Variants in ROR1 observed in about 807,000 individuals in gnomAD.
ROR1 encodes ROR family WNT receptor 1.
ROR1 carries 19 observed loss-of-function variants against 78.8 expected under a neutral mutation model. The ratio of observed to expected loss-of-function variants is 0.24; its 90% CI spans 0.17 to 0.35. ROR1 has a LOEUF of 0.35. Ranked by LOEUF, ROR1 falls within the 10% of genes least tolerant of loss-of-function variation. The pLI, the probability that ROR1 is intolerant of heterozygous loss-of-function variation, is 1.00. For synonymous variants in ROR1, 386 were observed against 433.6 expected (o/e 0.89, Z 1.36); for missense variants, 917 against 1,177.8 (o/e 0.78, Z 3.24).
intron 4 of ROR1, chr1:64,110,723 T>G (rs1178363359): frequency 6.6e-6 from 1 of 152,120 alleles, no homozygotes; most frequent in Non-Finnish European, 1.5e-5. Flanking sequence ...CCAGGAAGTT[T>G]CAGCATTCTC....
At chr1:64,023,061 T>G (rs981308780) in intron 2 of ROR1, among the ~76,000 whole-genome samples, 7 of 152,200 alleles carry the variant, frequency 4.6e-5, no homozygotes, top group African/African-American at 1.7e-4. Flanking sequence ...TTTCTACTGG[T>G]GACAGGCATT....
At chr1:63,925,790 T>G (rs861309) in intron 1 of ROR1, among the ~76,000 whole-genome samples, 98,241 of 149,514 alleles carry the variant, frequency 0.66, 36,553 homozygotes, top group East Asian at 0.94. Flanking sequence ...TTTCATGTGT[T>G]TTTTGGCTGC....
chr1:63,876,763 G>C (rs1645288988), intron 1 of ROR1, among the ~76,000 whole-genome samples: 1 of 149,836 alleles, frequency 6.7e-6, no homozygotes, highest in Middle Eastern at 3.2e-3. Flanking sequence ...TCGTTTCAAG[G>C]CTATGTTTTA....
chr1:64,139,294 T>G (rs1649227314), intron 5 of ROR1, among the ~76,000 whole-genome samples: 1 of 152,072 alleles, frequency 6.6e-6, no homozygotes, highest in Non-Finnish European at 1.5e-5. Context: ...TTTAAATTCA[T>G]TTACCTTTGT....
chr1:63,951,459 A>AG (rs1038223228), intron 1 of ROR1, among the ~76,000 whole-genome samples: 1 of 152,130 alleles, frequency 6.6e-6, no homozygotes, highest in East Asian at 1.9e-4. Flanking sequence ...AGGGTAAAAG[A>AG]GGGGGGCTGG....
chr1:63,926,028 A>G (rs1481325447), intron 1 of ROR1, among the ~76,000 whole-genome samples: 1 of 151,610 alleles, frequency 6.6e-6, no homozygotes, highest in African/African-American at 2.4e-5. Flanking sequence ...ATTAGATCCC[A>G]TTTGTCAATT....
At chr1:63,789,143 T>A in intron 1 of ROR1, 1 of 600,432 alleles carries the variant, frequency 1.7e-6, no homozygotes, top group South Asian at 1.5e-5. Flanking sequence ...GGACAGTCAT[T>A]GGCTTGCGGA....
At chr1:63,906,709 T>C (rs1447017314) in intron 1 of ROR1, among the ~76,000 whole-genome samples, 1 of 152,214 alleles carries the variant, frequency 6.6e-6, no homozygotes, top group Non-Finnish European at 1.5e-5. Flanking sequence ...CTTGGGGTAA[T>C]TTGATCTTGT....
intron 1 of ROR1, among the ~76,000 whole-genome samples, chr1:63,916,009 G>C (rs1340584596): frequency 6.6e-6 from 1 of 152,034 alleles, no homozygotes; most frequent in Non-Finnish European, 1.5e-5. Flanking sequence ...CACCTCTCTA[G>C]ACACTCTAGA....
chr1:63,825,650 G>C (rs1382843421), intron 1 of ROR1, among the ~76,000 whole-genome samples: 2 of 152,092 alleles, frequency 1.3e-5, no homozygotes, highest in African/African-American at 2.4e-5. Context: ...ACACTAAATG[G>C]GTGAATGTTA....
rs375205765 is a variant in ROR1, at chr1:64,134,623, T to C, written c.483-2746T>C. Among the ~76,000 whole-genome samples, 7 of 152,294 alleles carry C rather than the reference T, an allele frequency of 4.6e-5. No individual in the cohort carries two copies. In the East Asian group the frequency reaches 1.2e-3, roughly 25 times the overall value. The stretch of plus-strand genomic sequence containing the variant: ...GTTGTGGTTCTCAACCACATTCAAA[T>C]CACCTGATAGGTTTCTTTAAGCATA... On this transcript the variant is annotated intron_variant, in intron 4 of 8. Transcript: ENST00000371079.
chr1:63,879,671 G>A (rs2100372135), intron 1 of ROR1, among the ~76,000 whole-genome samples: 1 of 152,252 alleles, frequency 6.6e-6, no homozygotes, highest in East Asian at 1.9e-4. Context: ...ATAGTGAAGA[G>A]ATGTTTAGCT....
intron 1 of ROR1, among the ~76,000 whole-genome samples, chr1:63,942,767 G>A (rs1008671521): frequency 2.6e-5 from 4 of 152,110 alleles, no homozygotes; most frequent in South Asian, 2.1e-4. Context: ...CTTCCCCACC[G>A]CTGGGCATTT....
Position 64,179,614 on chromosome 1 carries a change from G to C in ROR1, c.*759G>C, listed in dbSNP as rs1406231186. The stretch of plus-strand genomic sequence containing the variant: ...ATGTGGATGCTAGAATTGATTGTTG[G>C]TTGATAGTTCTCTTTGCTGGATTAG... On this transcript the variant is annotated 3_prime_UTR_variant, in exon 9 of 9. Transcript: ENST00000371079. 1 of 152,156 alleles carries C rather than the reference G, an allele frequency of 6.6e-6. No individual in the cohort carries two copies. The highest frequency in any genetic ancestry group is 1.5e-5 in the Non-Finnish European group (1 of 68,050). 9.4% of individuals were successfully genotyped at this position (152,156 alleles called of 1,614,324 possible). A position where few individuals can be genotyped will look rare whatever the true frequency, so the allele number is the denominator to read the frequency against.
At chr1:63,875,899 G>A (rs1052535453) in intron 1 of ROR1, among the ~76,000 whole-genome samples, 17 of 152,136 alleles carry the variant, frequency 1.1e-4, no homozygotes, top group Non-Finnish European at 1.5e-5. Context: ...GAGTGACAAA[G>A]GTTATAGTCA....
Position 63,843,355 on chromosome 1 carries a change from T to C in ROR1, c.91+68847T>C, listed in dbSNP as rs998286075. 3.9e-5 allele frequency: 36 copies of C among 915,638 alleles called. No individual in the cohort carries two copies. The South Asian group carries it at 4.4e-4, about 11-fold the overall frequency. The allele number at this position is 915,638 out of a possible 1,614,324, so 56.7% of individuals were successfully genotyped here. ...GAGCTGGCATAGATCATTTTGCTTT[T>C]AAGGGGAGCAGACTCAGGGACCCAG... On this transcript the variant is annotated intron_variant, in intron 1 of 8. Transcript: ENST00000371079.
At chr1:63,840,891 G>C (rs1645045640) in intron 1 of ROR1, among the ~76,000 whole-genome samples, 1 of 152,130 alleles carries the variant, frequency 6.6e-6, no homozygotes, top group South Asian at 2.1e-4. Context: ...TGTTGGGCTG[G>C]TTTAAATAAG....
chr1:64,147,180 G>A (rs1315528997), intron 7 of ROR1, among the ~76,000 whole-genome samples: 1 of 152,150 alleles, frequency 6.6e-6, no homozygotes, highest in Non-Finnish European at 1.5e-5. Flanking sequence ...TACTCAGTGT[G>A]TTATTATCTT....
At chr1:64,052,469 A>G (rs1646840650) in intron 4 of ROR1, among the ~76,000 whole-genome samples, 1 of 152,190 alleles carries the variant, frequency 6.6e-6, no homozygotes, top group Admixed American at 6.5e-5. Context: ...TTATGATTAT[A>G]TCCTTCTATG....
Sources: gnomAD v4.1 joint callset for allele counts (sites outside exome capture counted in the v4.1 genomes callset) on GRCh38, gnomAD v4.1.1 for gene constraint, MANE v1.5 for transcripts, NCBI Gene and HGNC (gene_info 2026-07-23, HGNC 2026-07-21) for gene names.